OXR1: variants seen among roughly 807,000 people sequenced by gnomAD.
The protein encoded by OXR1 is oxidation resistance protein 1.
In OXR1, 41 loss-of-function variants were observed where a neutral mutation model predicts 104.6. The observed-to-expected ratio is 0.39, with a 90% CI of 0.31 to 0.51. The LOEUF is 0.51. Ranked by LOEUF, OXR1 falls within the 20% of genes least tolerant of loss-of-function variation. The pLI, the probability that OXR1 is intolerant of heterozygous loss-of-function variation, is 0.77. For missense variants in OXR1, 955 were observed against 1,031.9 expected, an observed-to-expected ratio of 0.93 and a Z score of 1.02; for synonymous variants, 348 against 348.4, an observed-to-expected ratio of 1.00 and a Z score of 0.01.
At chr8:106,567,934 T>C (rs975790467) in intron 3 of OXR1, among the ~76,000 whole-genome samples, 3 of 152,142 alleles carry the variant, frequency 2.0e-5, no homozygotes, top group Non-Finnish European at 4.4e-5. Context: ...TGCTTCATGA[T>C]TCAAATTATG....
At chr8:106,484,385 G>A (rs1822321292) in intron 2 of OXR1, among the ~76,000 whole-genome samples, 1 of 152,016 alleles carries the variant, frequency 6.6e-6, no homozygotes, top group Non-Finnish European at 1.5e-5. Context: ...CATTGTATAT[G>A]TGTACCAAAA....
intron 2 of OXR1, among the ~76,000 whole-genome samples, chr8:106,473,464 G>A (rs1821626368): frequency 6.6e-6 from 1 of 151,842 alleles, no homozygotes; most frequent in Non-Finnish European, 1.5e-5. Context: ...TCAAAGAAAT[G>A]TTAGGGTTCT....
At chr8:106,577,711 G>C (rs1268814712) in intron 3 of OXR1, among the ~76,000 whole-genome samples, 3 of 152,060 alleles carry the variant, frequency 2.0e-5, no homozygotes, top group Admixed American at 2.0e-4. Context: ...TTTCTGTTCA[G>C]CCTCAGGATG....
intron 3 of OXR1, among the ~76,000 whole-genome samples, chr8:106,547,349 T>C (rs1815438842): frequency 6.6e-6 from 1 of 152,164 alleles, no homozygotes; most frequent in Admixed American, 6.6e-5. Context: ...CTATTTTCTG[T>C]CCTTGAATTT....
chr8:106,442,181 T>C (rs1182772259), intron 2 of OXR1, among the ~76,000 whole-genome samples: 1 of 152,200 alleles, frequency 6.6e-6, no homozygotes, highest in Non-Finnish European at 1.5e-5. Flanking sequence ...TCATGTGATT[T>C]TGTCTTTGGT....
chr8:106,312,709 C>G (rs868074447), intron 1 of OXR1, among the ~76,000 whole-genome samples: 64 of 152,270 alleles, frequency 4.2e-4, no homozygotes, highest in African/African-American at 1.5e-3. Flanking sequence ...ATGAAAATAA[C>G]AAATGTCAGT....
chr8:106,739,203 G>A (rs1834695047), intron 12 of OXR1, among the ~76,000 whole-genome samples: 2 of 151,710 alleles, frequency 1.3e-5, no homozygotes, highest in Non-Finnish European at 2.9e-5. Context: ...AGAAATATGG[G>A]GATTTATCAT....
At chr8:106,558,830 A>C (rs1816472709) in intron 3 of OXR1, among the ~76,000 whole-genome samples, 1 of 152,188 alleles carries the variant, frequency 6.6e-6, no homozygotes, top group Non-Finnish European at 1.5e-5. Context: ...TATACTGCTT[A>C]TATCCATGTG....
intron 2 of OXR1, among the ~76,000 whole-genome samples, chr8:106,442,868 T>C (rs185822632): frequency 6.6e-6 from 1 of 152,176 alleles, no homozygotes. Flanking sequence ...AAACACCTCC[T>C]GCATTAAGAT....
At chr8:106,698,003 C>CT in intron 7 of OXR1, 2 of 1,612,748 alleles carry the variant, frequency 1.2e-6, no homozygotes, top group South Asian at 2.2e-5. Context: ...TGCAGGTCCC[C>CT]TGTTGGCCAT....
intron 16 of OXR1, among the ~76,000 whole-genome samples, chr8:106,746,994 G>A (rs1835448456): frequency 6.6e-6 from 1 of 152,154 alleles, no homozygotes; most frequent in African/African-American, 2.4e-5. Context: ...CCAAGCTAGA[G>A]TAACCACTGG....
chr8:106,538,927 T>C (rs1814751078), intron 3 of OXR1, among the ~76,000 whole-genome samples: 1 of 152,226 alleles, frequency 6.6e-6, no homozygotes, highest in African/African-American at 2.4e-5. Flanking sequence ...CCGTAGGTTT[T>C]TTACATCTTC....
intron 3 of OXR1, among the ~76,000 whole-genome samples, chr8:106,678,845 A>G (rs1029166604): frequency 6.6e-6 from 1 of 152,088 alleles, no homozygotes; most frequent in Non-Finnish European, 1.5e-5. Flanking sequence ...AATGATATAT[A>G]TCTTGAAAGA....
chr8:106,575,652 A>C (rs1393704249), intron 3 of OXR1, among the ~76,000 whole-genome samples: 1 of 151,916 alleles, frequency 6.6e-6, no homozygotes, highest in Non-Finnish European at 1.5e-5. Context: ...CAATTAATTT[A>C]ATGATAGCAA....
At chr8:106,482,112 G>A (rs1822160539) in intron 2 of OXR1, among the ~76,000 whole-genome samples, 1 of 151,778 alleles carries the variant, frequency 6.6e-6, no homozygotes. Flanking sequence ...ATATATCGTG[G>A]GTATTTAATG....
intron 2 of OXR1, among the ~76,000 whole-genome samples, chr8:106,454,136 C>T (rs896109527): frequency 1.3e-5 from 2 of 152,120 alleles, no homozygotes; most frequent in Non-Finnish European, 2.9e-5. Context: ...CTCTTTCTAC[C>T]TGCAAATCAT....
intron 3 of OXR1, among the ~76,000 whole-genome samples, chr8:106,539,379 G>A (rs1222984918): frequency 6.6e-6 from 1 of 152,108 alleles, no homozygotes; most frequent in Non-Finnish European, 1.5e-5. Context: ...AAAATTCATT[G>A]TATGATTTAG....
intron 15 of OXR1, 151 bp from the exon 16 acceptor site, chr8:106,745,638 C>A: frequency 2.3e-6 from 1 of 438,650 alleles, no homozygotes; most frequent in South Asian, 6.6e-5. Flanking sequence ...GAAACCCAAA[C>A]CACCAGAGCC....
At chr8:106,344,517 T>G (rs973182602) in intron 1 of OXR1, among the ~76,000 whole-genome samples, 2 of 152,106 alleles carry the variant, frequency 1.3e-5, no homozygotes, top group East Asian at 3.9e-4. Flanking sequence ...TTTTGTATTT[T>G]TAGTAGAGAT....
Sources: gnomAD v4.1 joint callset for allele counts (sites outside exome capture counted in the v4.1 genomes callset) on GRCh38, gnomAD v4.1.1 for gene constraint, MANE v1.5 for transcripts, NCBI Gene and HGNC (gene_info 2026-07-23, HGNC 2026-07-21) for gene names.